KCNIP4: variants seen among roughly 807,000 people sequenced by gnomAD.
KCNIP4 encodes the protein potassium voltage-gated channel interacting protein 4.
Under a neutral mutation model 34.0 loss-of-function variants are expected in KCNIP4, and 12 were observed. That is an observed-to-expected ratio of 0.35 (90% confidence interval 0.23 to 0.57). KCNIP4 has a LOEUF of 0.57. KCNIP4 is among the 20% of genes least tolerant of loss of function. The pLI, the probability that KCNIP4 is intolerant of heterozygous loss-of-function variation, is 0.83. For missense variants in KCNIP4, 238 were observed against 311.7 expected (o/e 0.76, Z 1.78); for synonymous variants, 124 against 102.2 (o/e 1.21, Z -1.29).
intron 1 of KCNIP4, among the ~76,000 whole-genome samples, chr4:21,589,603 TC>T (rs997358609): frequency 9.2e-5 from 14 of 151,960 alleles, no homozygotes; most frequent in African/African-American, 3.4e-4. Flanking sequence ...AGCAGCTGCT[TC>T]TCTGTATTTC....
chr4:21,419,166 T>G (rs1176270924), intron 1 of KCNIP4, among the ~76,000 whole-genome samples: 1 of 152,186 alleles, frequency 6.6e-6, no homozygotes, highest in Non-Finnish European at 1.5e-5. Flanking sequence ...CATGCTTCAT[T>G]GAGATTGAAA....
At chr4:20,736,038 A>G (rs549233136) in intron 5 of KCNIP4, among the ~76,000 whole-genome samples, 64 of 152,276 alleles carry the variant, frequency 4.2e-4, no homozygotes, top group African/African-American at 1.4e-3. Flanking sequence ...TCTTTTTTAA[A>G]TAAGTAACAT....
At chr4:21,742,388 T>A (rs1416739949) in intron 1 of KCNIP4, among the ~76,000 whole-genome samples, 1 of 152,190 alleles carries the variant, frequency 6.6e-6, no homozygotes, top group African/African-American at 2.4e-5. Context: ...CCAAGCAACC[T>A]TCCTGATTGC....
At chr4:21,568,564 G>A (rs1740099328) in intron 1 of KCNIP4, among the ~76,000 whole-genome samples, 1 of 152,146 alleles carries the variant, frequency 6.6e-6, no homozygotes, top group South Asian at 2.1e-4. Context: ...AGCAGGCATG[G>A]AAAGAGCAGA....
At chr4:21,241,285 C>A (rs1759793254) in intron 1 of KCNIP4, among the ~76,000 whole-genome samples, 1 of 152,154 alleles carries the variant, frequency 6.6e-6, no homozygotes, top group East Asian at 1.9e-4. Flanking sequence ...CAACAATAAC[C>A]TTTTTGAGGC....
At chr4:21,565,056 C>A (rs1258815668) in intron 1 of KCNIP4, among the ~76,000 whole-genome samples, 1 of 152,136 alleles carries the variant, frequency 6.6e-6, no homozygotes, top group Non-Finnish European at 1.5e-5. Flanking sequence ...CCCTTACTAG[C>A]AGAGTGACCC....
At chr4:21,183,527 G>A (rs978286792) in intron 1 of KCNIP4, among the ~76,000 whole-genome samples, 4 of 148,820 alleles carry the variant, frequency 2.7e-5, no homozygotes, top group African/African-American at 9.9e-5. Context: ...AGGATGAAGT[G>A]CAGTGGAGTG....
intron 1 of KCNIP4, among the ~76,000 whole-genome samples, chr4:21,412,298 G>GA (rs1016367749): frequency 1.3e-5 from 2 of 152,092 alleles, no homozygotes; most frequent in Non-Finnish European, 2.9e-5. Context: ...TGCATCTCAT[G>GA]AAAAAGCCCT....
At chr4:21,713,682 T>C (rs574534036) in intron 1 of KCNIP4, among the ~76,000 whole-genome samples, 10 of 152,326 alleles carry the variant, frequency 6.6e-5, no homozygotes, top group Admixed American at 6.5e-4. Flanking sequence ...TACTCTGCTA[T>C]TGAACATTAG....
At chr4:21,481,681 C>T (rs1490679375) in intron 1 of KCNIP4, among the ~76,000 whole-genome samples, 3 of 152,088 alleles carry the variant, frequency 2.0e-5, no homozygotes, top group African/African-American at 4.8e-5. Context: ...TGGATTCCAG[C>T]CTACTGCGAA....
At chr4:21,098,583 A>G (rs1747663941) in intron 1 of KCNIP4, among the ~76,000 whole-genome samples, 1 of 152,200 alleles carries the variant, frequency 6.6e-6, no homozygotes, top group Admixed American at 6.6e-5. Flanking sequence ...TCTGTTTACA[A>G]TGTGACTTAC....
At chr4:20,807,881 G>A (rs542758358) in intron 3 of KCNIP4, among the ~76,000 whole-genome samples, 60 of 152,212 alleles carry the variant, frequency 3.9e-4, no homozygotes, top group African/African-American at 1.4e-3. Context: ...GGAAGATAAC[G>A]ATGTCTTCAC....
At chr4:21,279,098 G>A (rs1762615388) in intron 1 of KCNIP4, among the ~76,000 whole-genome samples, 1 of 152,196 alleles carries the variant, frequency 6.6e-6, no homozygotes, top group Non-Finnish European at 1.5e-5. Flanking sequence ...AAGAACAGAT[G>A]TATTATGAAA....
intron 1 of KCNIP4, among the ~76,000 whole-genome samples, chr4:21,645,389 A>G (rs1746936260): frequency 6.6e-6 from 1 of 152,142 alleles, no homozygotes; most frequent in African/African-American, 2.4e-5. Flanking sequence ...TCCTTAATAA[A>G]TATACATTGT....
intron 1 of KCNIP4, among the ~76,000 whole-genome samples, chr4:21,891,326 C>G (rs7669844): frequency 0.99 from 151,317 of 152,190 alleles, 75,230 homozygotes; most frequent in Middle Eastern, 1. Context: ...CTTGGATCAA[C>G]AACCTGGGAA....
intron 1 of KCNIP4, among the ~76,000 whole-genome samples, chr4:21,354,019 C>T (rs1718301088): frequency 6.6e-6 from 1 of 152,184 alleles, no homozygotes; most frequent in Admixed American, 6.5e-5. Context: ...AAACAATTTT[C>T]AACCCAGAAT....
intron 1 of KCNIP4, among the ~76,000 whole-genome samples, chr4:20,947,726 C>T (rs1395453272): frequency 6.6e-6 from 1 of 152,210 alleles, no homozygotes; most frequent in African/African-American, 2.4e-5. Context: ...ACAACAACAA[C>T]AGTCAACACT....
intron 1 of KCNIP4, among the ~76,000 whole-genome samples, chr4:21,359,340 G>C (rs1468797619): frequency 2.0e-5 from 3 of 152,066 alleles, no homozygotes; most frequent in African/African-American, 7.2e-5. Context: ...CTAGCTTGCA[G>C]ATAGCAGATT....
At chr4:21,276,362 T>TC (rs1491237637) in intron 1 of KCNIP4, among the ~76,000 whole-genome samples, 5 of 37,996 alleles carry the variant, frequency 1.3e-4, no homozygotes, top group Non-Finnish European at 1.5e-4. Context: ...AGATTTTCTC[T>TC]TTTTTTTTTT....
Sources: gnomAD v4.1 joint callset for allele counts (sites outside exome capture counted in the v4.1 genomes callset) on GRCh38, gnomAD v4.1.1 for gene constraint, MANE v1.5 for transcripts, NCBI Gene and HGNC (gene_info 2026-07-23, HGNC 2026-07-21) for gene names.